Variants in VSX2 observed in about 807,000 individuals in gnomAD.
The protein encoded by VSX2 is visual system homeobox 2, also known as ceh-10 homeo domain containing homolog.
Under a neutral mutation model 32.1 loss-of-function variants are expected in VSX2, and 28 were observed. The observed-to-expected ratio is 0.87, with a 90% CI of 0.65 to 1.20. The LOEUF is 1.20. Ranked by LOEUF, VSX2 falls within the 50% of genes most tolerant of loss-of-function variation. VSX2 has a pLI of 0.00. For synonymous variants in VSX2, 243 were observed against 214.1 expected (o/e 1.14, Z -1.18); for missense variants, 506 against 488.7 (o/e 1.04, Z -0.33).
chr14:74,242,617 C>CT (rs5809656), intron 2 of VSX2, among the ~76,000 whole-genome samples: 41,451 of 143,360 alleles, frequency 0.29, 6,348 homozygotes, highest in East Asian at 0.61. Flanking sequence ...GATCTTTGGT[C>CT]TTTTTTTTTT....
At chr14:74,255,045 G>A (rs535258015) in intron 3 of VSX2, among the ~76,000 whole-genome samples, 2 of 152,190 alleles carry the variant, frequency 1.3e-5, no homozygotes, top group Admixed American at 6.5e-5. Flanking sequence ...CTCCCAAAGT[G>A]CTGGGATTAC....
At chr14:74,259,851 C>T in intron 4 of VSX2, 69 bp downstream of exon 4, 1 of 1,519,546 alleles carries the variant, frequency 6.6e-7, no homozygotes, top group Non-Finnish European at 8.9e-7. Context: ...GAGGAGGGGA[C>T]AGAGCCTTGA....
intron 3 of VSX2, among the ~76,000 whole-genome samples, chr14:74,246,858 C>T (rs999099324): frequency 3.9e-5 from 6 of 152,116 alleles, no homozygotes; most frequent in African/African-American, 1.2e-4. Context: ...GTGTTTGAAA[C>T]CTGCTGAGCT....
Position 74,260,650 on chromosome 14 carries a change from G to T in VSX2, c.817G>T (p.Glu273Ter), listed in dbSNP as rs1178603689. 1 of 1,605,210 alleles carries T rather than the reference G, an allele frequency of 6.2e-7. No homozygotes were observed. Among genetic ancestry groups the T allele is most frequent in the East Asian group, 2.2e-5 (1 of 44,560 alleles). Residue 273 changes from glutamate to a stop codon, truncating the protein, a stop_gained, in exon 5 of 5, where the codon GAA (glutamate) becomes TAA (stop). Transcript: ENST00000261980. LOFTEE classifies it high-confidence loss of function. The part of the protein sequence containing the change: ...AAESGRKPEG[E>*]RQALPKLDKM... ...CGAGTCGGGGAGGAAGCCCGAGGGG[G>T]AACGCCAGGCCCTGCCCAAGCTCGA...
intron 3 of VSX2, among the ~76,000 whole-genome samples, chr14:74,250,757 T>G (rs2079223056): frequency 6.6e-6 from 1 of 151,714 alleles, no homozygotes; most frequent in African/African-American, 2.4e-5. Flanking sequence ...CAAGCAATTC[T>G]CCTGCCTCAG....
At chr14:74,254,520 T>C (rs1187878043) in intron 3 of VSX2, among the ~76,000 whole-genome samples, 1 of 152,240 alleles carries the variant, frequency 6.6e-6, no homozygotes, top group African/African-American at 2.4e-5. Context: ...CTATCTGTAT[T>C]GAATATACAG....
intron 3 of VSX2, among the ~76,000 whole-genome samples, chr14:74,257,692 G>T (rs1243766731): frequency 2.0e-5 from 3 of 148,952 alleles, no homozygotes; most frequent in Non-Finnish European, 4.4e-5. Context: ...GGCGGGAACC[G>T]CAGGAGCGCG....
chr14:74,257,591 C>A lies in VSX2; in HGVS notation c.580-2011C>A, dbSNP rs190964633. 5.8e-3 allele frequency among the ~76,000 whole-genome samples: 882 copies of A among 152,240 alleles called. 9 individuals carry two copies. Among genetic ancestry groups the A allele is most frequent in the African/African-American group, 0.02 (829 of 41,568 alleles). ...TGACCTCCGTGGGATGCGAGGCTGG[C>A]GGGCCGGAGCGCCCCTGCCGGGGAT... On this transcript the variant is annotated intron_variant, in intron 3 of 4. Coordinates refer to ENST00000261980, the MANE Select transcript of VSX2 (RefSeq NM_182894.3).
intron 3 of VSX2, among the ~76,000 whole-genome samples, chr14:74,257,039 A>G (rs1158821693): frequency 6.6e-6 from 1 of 152,078 alleles, no homozygotes; most frequent in African/African-American, 2.4e-5. Context: ...AGCAGCTTGC[A>G]GCAAGCAGAT....
At position 74,241,336 on chromosome 14, in the gene VSX2, G is replaced by T. The variant is rs2079148870; in HGVS notation, c.455+70G>T. On this transcript the variant is annotated intron_variant, in intron 2 of 4. Transcript: ENST00000261980. ...CTGCCGTCCCCCGTTCCGGGATCGG[G>T]TCTCTCGGACCCTATTTTCGCCGAC... 7.9e-6 allele frequency: 12 copies of T among 1,521,368 alleles called. No homozygotes were observed. In the East Asian group the frequency reaches 2.7e-4, roughly 34 times the overall value. 94.2% of individuals were successfully genotyped at this position (1,521,368 alleles called of 1,614,324 possible).
intron 3 of VSX2, among the ~76,000 whole-genome samples, chr14:74,256,520 G>C (rs1476092748): frequency 6.6e-6 from 1 of 152,106 alleles, no homozygotes; most frequent in East Asian, 1.9e-4. Context: ...AGGACAGACT[G>C]TCACCCGACC....
Position 74,260,654 on chromosome 14 carries a change from G to T in VSX2, c.821G>T (p.Arg274Leu). Residue 274 changes from arginine (R) to leucine (L), a missense_variant, in exon 5 of 5, where the codon CGC becomes CTC. Physicochemically the swap from Arg to Leu is moderately radical, Grantham distance 102. Coordinates refer to ENST00000261980, the MANE Select transcript of VSX2 (RefSeq NM_182894.3). Reference sequence around the variant, plus strand: ...TCGGGGAGGAAGCCCGAGGGGGAACGCCAGGCCCTGCCCAAGCTCGACAAG... The same window carrying T: ...TCGGGGAGGAAGCCCGAGGGGGAACTCCAGGCCCTGCCCAAGCTCGACAAG... The part of the protein sequence containing the change: ...AESGRKPEGE[R>L]QALPKLDKME... 1 of 1,603,100 alleles carries T rather than the reference G, an allele frequency of 6.2e-7. No individual in the cohort carries two copies. The highest frequency in any genetic ancestry group is 8.5e-7 in the Non-Finnish European group (1 of 1,175,540).
intron 3 of VSX2, among the ~76,000 whole-genome samples, chr14:74,254,783 G>GTTTT (rs1566887118): frequency 1.4e-5 from 1 of 72,372 alleles, no homozygotes; most frequent in Non-Finnish European, 2.4e-5. Context: ...CCGAAAAGTG[G>GTTTT]ATTTTTTTTT....
chr14:74,259,895 G>A, intron 4 of VSX2, 113 bp downstream of exon 4: 1 of 1,184,582 alleles, frequency 8.4e-7, no homozygotes, highest in South Asian at 1.6e-5. Context: ...AGCCTAGCAG[G>A]AGAGAAATTC....
rs1239353610 is a variant in VSX2 at position 74,245,006 on chromosome 14, GAC to G, written c.456-157_456-156del. Among the ~76,000 whole-genome samples, 3,411 of 115,074 alleles carry G rather than the reference GAC, an allele frequency of 0.03. 274 individuals are homozygous for G. The highest frequency in any genetic ancestry group is 0.073 in the Admixed American group (840 of 11,520). The allele number at this position is 115,074 out of a possible 152,430, so 75.5% of individuals were successfully genotyped here. On this transcript the variant is annotated intron_variant, in intron 2 of 4. Transcript: ENST00000261980. ...TGAGAGAGAGAGAGAGAGAGAGAGAGACAGAGAGAGAGAGAGAGAGAGAATTT... is the reference window on the plus strand; with the variant it reads ...TGAGAGAGAGAGAGAGAGAGAGAGAGAGAGAGAGAGAGAGAGAGAGAATTT...
intron 3 of VSX2, among the ~76,000 whole-genome samples, chr14:74,254,784 A>ATTTTTTTTTTTT (rs537753574): frequency 1.1e-4 from 13 of 116,638 alleles, no homozygotes; most frequent in East Asian, 3.7e-4. Context: ...CGAAAAGTGG[A>ATTTTTTTTTTTT]TTTTTTTTTT....
At chr14:74,242,233 C>G (rs1165696983) in intron 2 of VSX2, among the ~76,000 whole-genome samples, 1 of 152,172 alleles carries the variant, frequency 6.6e-6, no homozygotes, top group African/African-American at 2.4e-5. Flanking sequence ...CCCCGCACCC[C>G]ACTCCGTCCC....
intron 1 of VSX2, among the ~76,000 whole-genome samples, chr14:74,240,615 T>C (rs112810436): frequency 6.6e-6 from 1 of 152,308 alleles, no homozygotes; most frequent in African/African-American, 2.4e-5. Flanking sequence ...TGTTTGAGCT[T>C]GGCAATTCCC....
rs2079308604 is a variant in VSX2 at position 74,261,639 on chromosome 14, T to C, written c.*720T>C. On this transcript the variant is annotated 3_prime_UTR_variant, in exon 5 of 5. Transcript: ENST00000261980. The stretch of plus-strand genomic sequence containing the variant: ...CCTCTCCACACCCAGCCTGTCCCAC[T>C]GGCTCCTCCCAGCACAGGCACCTAT... 2 of 153,144 alleles carry C rather than the reference T, an allele frequency of 1.3e-5. No individual in the cohort carries two copies. The highest frequency in any genetic ancestry group is 2.9e-5 in the Non-Finnish European group (2 of 68,710). The allele number at this position is 153,144 out of a possible 1,614,324, so 9.5% of individuals were successfully genotyped here.
Sources: gnomAD v4.1 joint callset for allele counts (sites outside exome capture counted in the v4.1 genomes callset) on GRCh38, gnomAD v4.1.1 for gene constraint, MANE v1.5 for transcripts, NCBI Gene and HGNC (gene_info 2026-07-23, HGNC 2026-07-21) for gene names.